MTFR1: variants seen among roughly 807,000 people sequenced by gnomAD.
MTFR1 encodes the protein mitochondrial fission regulator 1.
MTFR1 carries 28 observed loss-of-function variants against 38.8 expected under a neutral mutation model. The ratio of observed to expected loss-of-function variants is 0.72; its 90% CI spans 0.53 to 0.99. The LOEUF (loss-of-function observed/expected upper bound fraction) is 0.99. Ranked by LOEUF, MTFR1 falls within the 50% of genes least tolerant of loss-of-function variation. The pLI is 0.00. For missense variants in MTFR1, 358 were observed against 395.5 expected, an observed-to-expected ratio of 0.91 and a Z score of 0.81; for synonymous variants, 145 against 137.0, an observed-to-expected ratio of 1.06 and a Z score of -0.41.
At chr8:65,719,030 C>T in intron 2 of MTFR1, 1 of 506,940 alleles carries the variant, frequency 2.0e-6, no homozygotes, top group Non-Finnish European at 3.6e-6. Context: ...TTTGTTACTC[C>T]TTTCGGATTC....
At chr8:65,751,465 C>A (rs966601130) in intron 3 of MTFR1, among the ~76,000 whole-genome samples, 7 of 152,048 alleles carry the variant, frequency 4.6e-5, no homozygotes, top group African/African-American at 7.2e-5. Context: ...TCTATTGTAT[C>A]CTTCCTGAGG....
intron 5 of MTFR1, among the ~76,000 whole-genome samples, chr8:65,705,336 A>G (rs1006618066): frequency 4.6e-5 from 7 of 152,048 alleles, no homozygotes; most frequent in African/African-American, 1.7e-4. Context: ...ACTAAACAAA[A>G]AACAAACAAA....
At chr8:65,692,394 G>A (rs1278758942) in intron 3 of MTFR1, among the ~76,000 whole-genome samples, 1 of 152,164 alleles carries the variant, frequency 6.6e-6, no homozygotes, top group East Asian at 1.9e-4. Flanking sequence ...CTGGAGTGCA[G>A]TGGTGCAATC....
At chr8:65,668,168 T>G (rs1312635977) in intron 1 of MTFR1, among the ~76,000 whole-genome samples, 2 of 150,066 alleles carry the variant, frequency 1.3e-5, no homozygotes, top group Non-Finnish European at 2.9e-5. Flanking sequence ...AGCAAGATTT[T>G]CTTTTTTTTT....
intron 1 of MTFR1, among the ~76,000 whole-genome samples, chr8:65,645,439 A>G (rs1177161546): frequency 4.6e-5 from 7 of 152,230 alleles, no homozygotes; most frequent in Admixed American, 4.6e-4. Context: ...CAAACTGTGG[A>G]GAAATTGAAC....
intron 3 of MTFR1, chr8:65,734,658 G>C: frequency 1.7e-6 from 1 of 584,032 alleles, no homozygotes; most frequent in Non-Finnish European, 3.1e-6. Context: ...TCAGAAACTT[G>C]ATCCAGCTAG....
Position 65,730,171 on chromosome 8 carries a change from C to CTTTTTTTTTT in MTFR1, c.*48+10707_*48+10716dup, listed in dbSNP as rs1179431555. Among the ~76,000 whole-genome samples the CTTTTTTTTTT allele has an allele frequency of 2.1e-3, 179 of 86,426 alleles. 24 individuals carry two copies. The highest frequency in any genetic ancestry group is 6.9e-3 in the African/African-American group (145 of 20,922). The allele number at this position is 86,426 out of a possible 152,430, so 56.7% of individuals were successfully genotyped here. Reference sequence around the variant, plus strand: ...TGTGAGGGATCCAGGTTGCGCACTTCTTTTTTTTTTTTTTTTTTTTTTTTT... The same window carrying CTTTTTTTTTT: ...TGTGAGGGATCCAGGTTGCGCACTTCTTTTTTTTTTTTTTTTTTTTTTTTTTTTTTTTTTT... On this transcript the variant is annotated intron_variant, in intron 3 of 3. Transcript: ENST00000521247.
intron 3 of MTFR1, among the ~76,000 whole-genome samples, chr8:65,745,114 T>C (rs747012634): frequency 1.3e-5 from 2 of 152,228 alleles, no homozygotes; most frequent in Non-Finnish European, 2.9e-5. Flanking sequence ...CCCCTTTTGC[T>C]TGGCTCTCAT....
chr8:65,747,615 C>A, intron 3 of MTFR1: 2 of 1,417,710 alleles, frequency 1.4e-6, no homozygotes, highest in South Asian at 1.3e-5. Context: ...GTAAACTTAT[C>A]AAAAAATTAA....
chr8:65,709,236 G>A lies in MTFR1; in HGVS notation c.*192G>A. The A allele has an allele frequency of 1.8e-6, 1 of 571,048 alleles. No individual in the cohort carries two copies. Among genetic ancestry groups the A allele is most frequent in the Non-Finnish European group, 3.1e-6 (1 of 318,630 alleles). 35.4% of individuals were successfully genotyped at this position (571,048 alleles called of 1,614,324 possible). On this transcript the variant is annotated 3_prime_UTR_variant, in exon 8 of 8. Transcript: ENST00000262146. Reference sequence around the variant, plus strand: ...TGCTTTTGTGAGATGGTCAGCTTTGGTGCTCTCCACAACATGTGTGTTCTG... The same window carrying A: ...TGCTTTTGTGAGATGGTCAGCTTTGATGCTCTCCACAACATGTGTGTTCTG...
chr8:65,661,249 A>T (rs1293989297), intron 1 of MTFR1, among the ~76,000 whole-genome samples: 4 of 152,256 alleles, frequency 2.6e-5, no homozygotes. Flanking sequence ...AGGTTCATCC[A>T]TTGGAATAAA....
At chr8:65,657,503 G>A (rs1332380865) in intron 1 of MTFR1, among the ~76,000 whole-genome samples, 1 of 151,932 alleles carries the variant, frequency 6.6e-6, no homozygotes, top group Non-Finnish European at 1.5e-5. Flanking sequence ...AGGAGTTTGA[G>A]GCTAGCCTGG....
chr8:65,662,055 C>CTCTCTTTCCACAG (rs1809438238), intron 1 of MTFR1, among the ~76,000 whole-genome samples: 3 of 88,862 alleles, frequency 3.4e-5, no homozygotes, highest in Non-Finnish European at 7.7e-5. Context: ...CTCTCTCTCC[C>CTCTCTTTCCACAG]TCTCTCTCTC....
intron 3 of MTFR1, among the ~76,000 whole-genome samples, chr8:65,762,049 C>G (rs1006993874): frequency 3.9e-5 from 6 of 152,212 alleles, no homozygotes; most frequent in Admixed American, 3.9e-4. Flanking sequence ...GCCACTGTAT[C>G]TGCCACCTTA....
intron 3 of MTFR1, among the ~76,000 whole-genome samples, chr8:65,749,986 A>G (rs1217474155): frequency 6.6e-6 from 1 of 151,742 alleles, no homozygotes; most frequent in Non-Finnish European, 1.5e-5. Flanking sequence ...CTTTATTACT[A>G]GAAAAAAGTG....
At chr8:65,728,689 A>G (rs1379839568) in intron 3 of MTFR1, 5 of 152,202 alleles carry the variant, frequency 3.3e-5, no homozygotes, top group African/African-American at 1.2e-4. Flanking sequence ...ATATACATGA[A>G]TGGGCATGGG....
chr8:65,768,084 G>C (rs1808885053), intron 3 of MTFR1, among the ~76,000 whole-genome samples: 1 of 152,160 alleles, frequency 6.6e-6, no homozygotes, highest in South Asian at 2.1e-4. Context: ...CCACCGCTTG[G>C]TGTGTTGGGA....
At position 65,695,400 on chromosome 8, in the gene MTFR1, A is replaced by T. The variant is rs900576822; in HGVS notation, c.281+1641A>T. On this transcript the variant is annotated intron_variant, in intron 4 of 7. Transcript: ENST00000262146. ...GGAGCCTCACTTGGTTGCCCGAGTGAGGCTGGAGTGCAGTGGTGCGATCTG... is the reference window on the plus strand; with the variant it reads ...GGAGCCTCACTTGGTTGCCCGAGTGTGGCTGGAGTGCAGTGGTGCGATCTG... Among the ~76,000 whole-genome samples, 3 of 151,874 alleles carry T rather than the reference A, an allele frequency of 2.0e-5. No homozygotes were observed. In the South Asian group the frequency reaches 6.2e-4, roughly 32 times the overall value.
intron 3 of MTFR1, among the ~76,000 whole-genome samples, chr8:65,764,481 C>T (rs983850930): frequency 1.4e-4 from 21 of 152,122 alleles, no homozygotes; most frequent in African/African-American, 5.1e-4. Flanking sequence ...AACTAATGAC[C>T]ATGCAGTACA....
Sources: allele counts gnomAD v4.1 joint callset (sites outside exome capture counted in the v4.1 genomes callset), GRCh38; gene constraint gnomAD v4.1.1; transcripts MANE v1.5; gene names NCBI Gene and HGNC (gene_info 2026-07-23, HGNC 2026-07-21).